The following PRX variants were observed in gnomAD, a reference collection of about 807,000 sequenced individuals.
PRX encodes the protein periaxin.
In PRX, 24 loss-of-function variants were observed where a neutral mutation model predicts 29.6. The ratio of observed to expected loss-of-function variants is 0.81; its 90% CI spans 0.59 to 1.14. PRX has a LOEUF of 1.14. PRX is among the 50% of genes most tolerant of loss of function. The probability of loss-of-function intolerance (pLI) is 0.00; values close to 1 mark genes in which losing one functional copy is unlikely to be tolerated. For synonymous variants in PRX, 772 were observed against 831.7 expected, an observed-to-expected ratio of 0.93 and a Z score of 1.24; for missense variants, 1,838 against 1,926.4, an observed-to-expected ratio of 0.95 and a Z score of 0.86.
chr19:40,394,113 G>T lies in PRX; in HGVS notation c.4239C>A (p.Pro1413=). The change falls in exon 7 of 7, where the codon CCC becomes CCA. Residue 1413 remains proline, a synonymous_variant. Coordinates refer to ENST00000324001, the MANE Select transcript of PRX (RefSeq NM_181882.3). The surrounding 1 kb of genome is among the most constrained non-coding windows in gnomAD (Gnocchi z 5.8). ...GGGCCTTGGGGCTTAGGGACACCCT[G>T]GGGAAGCGGAACTTGGGTGACTTCT... ...VREKSPKFRF[P]RVSLSPKARS... 6.2e-7 allele frequency: 1 copy of T among 1,606,900 alleles called. No individual in the cohort carries two copies. Among genetic ancestry groups the T allele is most frequent in the South Asian group, 1.1e-5 (1 of 90,712 alleles).
chr19:40,404,629 G>A (rs977162131), intron 4 of PRX, among the ~76,000 whole-genome samples: 1 of 151,996 alleles, frequency 6.6e-6, no homozygotes, highest in Non-Finnish European at 1.5e-5. Flanking sequence ...GAGTGCAGTG[G>A]TGTGATCATG....
At chr19:40,411,238 AAC>A (rs2079557199) in intron 1 of PRX, among the ~76,000 whole-genome samples, 1 of 152,164 alleles carries the variant, frequency 6.6e-6, no homozygotes, top group South Asian at 2.1e-4. Context: ...CGGTGCTAGA[AAC>A]ACACCCAGGC....
chr19:40,394,504 G>T lies in PRX; in HGVS notation c.3848C>A (p.Pro1283Gln). 1 of 1,600,204 alleles carries T rather than the reference G, an allele frequency of 6.2e-7. No individual in the cohort carries two copies. ...GTACTCGGCATGGTTGCCCCCGGAT[G>T]GCGAGAGCTCCACGTCGGGCAGTGA... is the stretch of plus-strand genomic sequence containing the variant. ...CLSLPDVELS[P>Q]SGGNHAEYQV... The change falls in exon 7 of 7, where the codon CCA becomes CAA. Residue 1283 changes from proline to glutamine, a missense_variant. Pro to Gln is a moderately conservative substitution (Grantham distance 76). Transcript: ENST00000324001. This position sits in a 1 kb window ranked among gnomAD's most constrained non-coding sequence, Gnocchi z 5.8.
chr19:40,402,292 T>G (rs941821491), intron 5 of PRX, among the ~76,000 whole-genome samples: 3 of 151,662 alleles, frequency 2.0e-5, no homozygotes, highest in Non-Finnish European at 4.4e-5. Flanking sequence ...AGGCGGAGCT[T>G]GCAGTGAGCC....
Position 40,395,044 on chromosome 19 carries a change from G to A in PRX, c.3308C>T (p.Thr1103Met), listed in dbSNP as rs543476780. 9.3e-6 allele frequency: 15 copies of A among 1,611,798 alleles called. No individual in the cohort carries two copies. The Admixed American group carries it at 1.2e-4, about 13-fold the overall frequency. ...CCTCCCTTCCTCCTGGGCGCCCAGC[G>A]TGACCAGCTCCACCTCGGGGATCTT... ...QLKIPEVELV[T>M]LGAQEEGRAE... is the part of the protein sequence containing the mutation. Residue 1103 changes from threonine (T) to methionine (M), a missense_variant, in exon 7 of 7, where the codon ACG becomes ATG. Physicochemically the swap from Thr to Met is moderately conservative, Grantham distance 81 (BLOSUM62 -1). This residue lies in a region of PRX where 1,143 missense variants were observed against 1,193.0 expected (regional missense o/e 0.96). Transcript: ENST00000324001.
intron 1 of PRX, among the ~76,000 whole-genome samples, chr19:40,412,064 T>C (rs1352516962): frequency 6.6e-6 from 1 of 152,224 alleles, no homozygotes; most frequent in Non-Finnish European, 1.5e-5. Context: ...GGGGTTGTCA[T>C]TCGGAGGCTG....
rs146611212 is a variant in PRX, at chr19:40,403,655, C to A, written c.184+51G>T. The A allele has an allele frequency of 9.8e-4, 1,477 of 1,513,320 alleles. 10 individuals are homozygous for A. In the African/African-American group the frequency reaches 0.017, roughly 17 times the overall value. 93.7% of individuals were successfully genotyped at this position (1,513,320 alleles called of 1,614,324 possible). ...CTCTCTTTGGACCCAAGGCAGATTC[C>A]TAACCCCGCCCCCGCAGTTCGACCC... On this transcript the variant is annotated intron_variant, in intron 5 of 6. Transcript: ENST00000324001.
intron 5 of PRX, among the ~76,000 whole-genome samples, chr19:40,402,427 T>C (rs1216968199): frequency 6.6e-6 from 1 of 152,086 alleles, no homozygotes. Context: ...CTGGCAACTG[T>C]AGCACTTACT....
At chr19:40,408,846 T>TGTGA (rs1555802644) in intron 1 of PRX, among the ~76,000 whole-genome samples, 1,583 of 148,204 alleles carry the variant, frequency 0.011, 17 homozygotes, top group South Asian at 0.047. Flanking sequence ...TGTGTGTGTG[T>TGTGA]GAGAGAGAGA....
rs749331506 is a variant in PRX at position 40,397,712 on chromosome 19, G to A, written c.640C>T (p.Pro214Ser). ...TCAGCCTCCACCTTGGCTTTCCTGG[G>A]GGGAGGAGCGGCGGCGGCCAGCCGG... Reference protein sequence around the residue: ...AARLAAAAPPPRKAKVEAEVA... With the variant: ...AARLAAAAPPSRKAKVEAEVA... Residue 214 changes from proline to serine, a missense_variant, in exon 7 of 7, where the codon CCC becomes TCC. Physicochemically the swap from Pro to Ser is moderately conservative, Grantham distance 74 (BLOSUM62 -1). Around this residue, in one of 3 missense-constraint regions of PRX, gnomAD observed 666 missense variants for 665.0 expected, o/e 1.00. Coordinates refer to ENST00000324001, the MANE Select transcript of PRX (RefSeq NM_181882.3). The A allele has an allele frequency of 1.9e-6, 3 of 1,560,764 alleles. No homozygotes were observed. The African/African-American group carries it at 4.0e-5, about 21-fold the overall frequency.
At chr19:40,401,588 C>G (rs535306832) in intron 5 of PRX, among the ~76,000 whole-genome samples, 66 of 152,182 alleles carry the variant, frequency 4.3e-4, no homozygotes, top group African/African-American at 1.5e-3. Context: ...CCTCTCTGGC[C>G]TTCTCTCTTA....
Position 40,394,657 on chromosome 19 carries a change from T to C in PRX, c.3695A>G (p.Gln1232Arg). The C allele has an allele frequency of 6.2e-7, 1 of 1,608,386 alleles. No homozygotes were observed. Reference protein sequence around the residue: ...ELDVGLSREAQAGEAATGEGG... With the variant: ...ELDVGLSREARAGEAATGEGG... ...CTCGCCTGTGGCCGCCTCGCCCGCCTGTGCCTCTCGGCTTAGCCCCACGTC... is the reference window on the plus strand; with the variant it reads ...CTCGCCTGTGGCCGCCTCGCCCGCCCGTGCCTCTCGGCTTAGCCCCACGTC... The change falls in exon 7 of 7, where the codon CAG becomes CGG. Residue 1232 changes from glutamine (Q) to arginine (R), a missense_variant. Gln to Arg is a conservative substitution (Grantham distance 43). Transcript: ENST00000324001. The surrounding 1 kb of genome is among the most constrained non-coding windows in gnomAD (Gnocchi z 5.8).
rs757487813 is a variant in PRX at position 40,403,882 on chromosome 19, G to C, written c.28-20C>G. The C allele has an allele frequency of 4.4e-6, 7 of 1,603,552 alleles. No homozygotes were observed. The South Asian group carries it at 5.5e-5, about 13-fold the overall frequency. On this transcript the variant is annotated intron_variant, in intron 4 of 6. Coordinates refer to ENST00000324001, the MANE Select transcript of PRX (RefSeq NM_181882.3). Reference sequence around the variant, plus strand: ...CAGCTCCTGCAGAGGGCGGCGAGGTGTCGCGTTGGGGCTCTAGGGCCGGAC... The same window carrying C: ...CAGCTCCTGCAGAGGGCGGCGAGGTCTCGCGTTGGGGCTCTAGGGCCGGAC...
chr19:40,402,491 G>T (rs1021782339), intron 5 of PRX, among the ~76,000 whole-genome samples: 4 of 151,770 alleles, frequency 2.6e-5, no homozygotes, highest in African/African-American at 7.3e-5. Context: ...GTCTCTCCCG[G>T]CTGGGCGCGG....
chr19:40,406,150 G>C (rs1053489661), intron 4 of PRX, among the ~76,000 whole-genome samples: 1 of 151,750 alleles, frequency 6.6e-6, no homozygotes, highest in Non-Finnish European at 1.5e-5. Context: ...GGGAGACTGA[G>C]GCAGGAGAAT....
chr19:40,401,815 T>C (rs2079496314), intron 5 of PRX, among the ~76,000 whole-genome samples: 1 of 150,770 alleles, frequency 6.6e-6, no homozygotes, highest in Non-Finnish European at 1.5e-5. Flanking sequence ...TCGCCCAGGC[T>C]GGAGTGAAGT....
chr19:40,407,489 CAG>C (rs1237280466), intron 4 of PRX: 1 of 250,468 alleles, frequency 4.0e-6, no homozygotes, highest in East Asian at 1.0e-4. Flanking sequence ...CCGGTAGAGA[CAG>C]GGTCTTCCTA....
intron 1 of PRX, among the ~76,000 whole-genome samples, chr19:40,410,739 C>T (rs571003982): frequency 6.2e-4 from 94 of 152,074 alleles, no homozygotes; most frequent in Non-Finnish European, 1.2e-3. Flanking sequence ...GGCGTGGCAG[C>T]GCGCGCCTGT....
chr19:40,403,627 A>C, intron 5 of PRX, 79 bp downstream of exon 5: 1 of 1,459,584 alleles, frequency 6.9e-7, no homozygotes. Context: ...GGTCAGTTTC[A>C]GCCTCTCTTT....
Sources: gnomAD v4.1 joint callset for allele counts (sites outside exome capture counted in the v4.1 genomes callset) on GRCh38, gnomAD v4.1.1 for gene constraint, gnomAD v4.1.1 regional missense constraint, Gnocchi (gnomAD v3.1) non-coding constraint, MANE v1.5 for transcripts, NCBI Gene and HGNC (gene_info 2026-07-23, HGNC 2026-07-21) for gene names.